PCDH11X: variants seen among roughly 807,000 people sequenced by gnomAD.
The protein encoded by PCDH11X is protocadherin-11 X-linked.
In PCDH11X, 18 loss-of-function variants were observed where a neutral mutation model predicts 53.3. That is an observed-to-expected ratio of 0.34 (90% CI 0.23 to 0.50). The LOEUF is 0.50. PCDH11X is among the 20% of genes least tolerant of loss of function. The pLI, the probability that PCDH11X is intolerant of heterozygous loss-of-function variation, is 0.98. For missense variants in PCDH11X, 570 were observed against 1,032.4 expected, an observed-to-expected ratio of 0.55 and a Z score of 6.14; for synonymous variants, 279 against 393.3, an observed-to-expected ratio of 0.71 and a Z score of 3.44.
At chrX:91,806,824 C>CA in intron 1 of PCDH11X, among the ~76,000 whole-genome samples, 1 of 111,737 alleles carries the variant, frequency 8.9e-6, no homozygotes, top group East Asian at 2.8e-4. Flanking sequence ...CATCACATAG[C>CA]AAAATGTACA....
At chrX:92,529,000 C>T (rs1257260775) in intron 10 of PCDH11X, among the ~76,000 whole-genome samples, 2 of 111,333 alleles carry the variant, frequency 1.8e-5, no homozygotes, top group African/African-American at 6.5e-5. Flanking sequence ...CCCAGCCTTA[C>T]ATTAGATTTA....
At position 92,127,518 on chromosome X, in the gene PCDH11X, C is replaced by CCT. The variant is rs2064889158; in HGVS notation, c.3034-73857_3034-73856insCT. 3.4e-5 allele frequency among the ~76,000 whole-genome samples: 3 copies of CCT among 88,411 alleles called. No homozygotes were observed. In the Admixed American group the frequency reaches 4.1e-4, roughly 12 times the overall value. 76.8% of individuals were successfully genotyped at this position (88,411 alleles called of 115,157 possible). On this transcript the variant is annotated intron_variant, in intron 6 of 10. Coordinates refer to ENST00000682573, the MANE Select transcript of PCDH11X (RefSeq NM_032968.5). ...AGCCACATAGTTATCTTTCCCCCCA[C>CCT]TTTTTTTTTTTTTTTTTTTTGAGAC...
chrX:91,805,671 T>TTA (rs199638454), intron 1 of PCDH11X, among the ~76,000 whole-genome samples: 28,278 of 105,696 alleles, frequency 0.27, 3,045 homozygotes, highest in African/African-American at 0.34. Flanking sequence ...TTTTTTTTTT[T>TTA]AAATTAGCTC....
In PCDH11X at chrX:92,125,843, G is replaced by A. The variant is rs143474129; in HGVS notation, c.3034-75532G>A. Among the ~76,000 whole-genome samples, 232 of 109,614 alleles carry A rather than the reference G, an allele frequency of 2.1e-3. 1 individual carries two copies. In the East Asian group the frequency reaches 0.022, roughly 10 times the overall value. ...TTGCTAGTCTTTTAAAAGTAAACTT[G>A]AGGCTGGGCGCAGTGTCTCACGCCT... On this transcript the variant is annotated intron_variant, in intron 6 of 10. Coordinates refer to ENST00000682573, the MANE Select transcript of PCDH11X (RefSeq NM_032968.5).
intron 8 of PCDH11X, among the ~76,000 whole-genome samples, chrX:92,317,220 G>C (rs2069099186): frequency 1.3e-5 from 1 of 79,678 alleles, no homozygotes; most frequent in Non-Finnish European, 2.2e-5. Context: ...TTTGAATGAA[G>C]ACATACTGAT....
chrX:92,303,926 C>T (rs140310041), intron 8 of PCDH11X, among the ~76,000 whole-genome samples: 4,441 of 110,573 alleles, frequency 0.04, 98 homozygotes, highest in South Asian at 0.085. Context: ...CAATGCAACA[C>T]GAGTTTTAAA....
intron 9 of PCDH11X, among the ~76,000 whole-genome samples, chrX:92,426,192 G>A (rs1269736353): frequency 2.8e-4 from 27 of 95,899 alleles, no homozygotes; most frequent in African/African-American, 1.0e-3. Flanking sequence ...TTACTATTAA[G>A]CTATTAGACA....
chrX:92,408,768 A>G (rs1293769949), intron 9 of PCDH11X, among the ~76,000 whole-genome samples: 2 of 108,543 alleles, frequency 1.8e-5, no homozygotes, highest in Non-Finnish European at 3.8e-5. Context: ...GTTTTTAGTA[A>G]AGACGGGGTT....
At position 92,277,122 on chromosome X, in the gene PCDH11X, GA is replaced by G. The variant is rs753392592; in HGVS notation, c.3144+13983del. 2.9e-3 allele frequency among the ~76,000 whole-genome samples: 315 copies of G among 110,041 alleles called. 3 individuals are homozygous for G. The highest frequency in any genetic ancestry group is 4.0e-3 in the Non-Finnish European group (209 of 52,818). ...AGGGGAGAGGTCAGATGGGTCTGTA[GA>G]AAAGGAAGATTAGAAAGACTCAGTG... On this transcript the variant is annotated intron_variant, in intron 8 of 10. Coordinates refer to ENST00000682573, the MANE Select transcript of PCDH11X (RefSeq NM_032968.5).
In PCDH11X at chrX:92,077,970, G is replaced by A. The variant is rs184682490; in HGVS notation, c.3034-123405G>A. On this transcript the variant is annotated intron_variant, in intron 6 of 10. Coordinates refer to ENST00000682573, the MANE Select transcript of PCDH11X (RefSeq NM_032968.5). ...AGACTGTCATATTTTGAGTGTCTCG[G>A]TAGGGAAAATAAGTGCTTTATAAAG... 1.2e-3 allele frequency among the ~76,000 whole-genome samples: 129 copies of A among 110,156 alleles called. 1 individual carries two copies. Among genetic ancestry groups the A allele is most frequent in the African/African-American group, 4.1e-3 (125 of 30,389 alleles).
chrX:91,827,134 G>T (rs763881501), intron 4 of PCDH11X, among the ~76,000 whole-genome samples: 37 of 111,385 alleles, frequency 3.3e-4, no homozygotes, highest in Admixed American at 2.6e-3. Flanking sequence ...TGTTATTTTT[G>T]ACTTGTTAAT....
intron 6 of PCDH11X, among the ~76,000 whole-genome samples, chrX:92,059,480 A>G (rs2063496050): frequency 9.0e-6 from 1 of 110,761 alleles, no homozygotes; most frequent in African/African-American, 3.3e-5. Context: ...CTCATTTTCA[A>G]TTGTAACAGT....
intron 8 of PCDH11X, among the ~76,000 whole-genome samples, chrX:92,387,256 T>C (rs766868501): frequency 1.0e-3 from 113 of 111,931 alleles, no homozygotes; most frequent in Non-Finnish European, 2.8e-4. Context: ...GATGATGTAC[T>C]TTTAGTTTTC....
chrX:91,801,276 T>A (rs1935929746), intron 1 of PCDH11X, among the ~76,000 whole-genome samples: 1 of 109,505 alleles, frequency 9.1e-6, no homozygotes, highest in African/African-American at 3.3e-5. Flanking sequence ...TCAAAAGAAT[T>A]TAAAAGGAAA....
intron 9 of PCDH11X, among the ~76,000 whole-genome samples, chrX:92,399,788 C>T (rs1371763759): frequency 9.1e-6 from 1 of 109,390 alleles, no homozygotes; most frequent in Admixed American, 9.9e-5. Context: ...GTTGCCCAGG[C>T]TGGAGTGCAG....
Position 92,548,544 on chromosome X carries a change from A to G in PCDH11X, c.3368-69720A>G, listed in dbSNP as rs150427482. Among the ~76,000 whole-genome samples, 214 of 111,360 alleles carry G rather than the reference A, an allele frequency of 1.9e-3. 1 individual carries two copies. The highest frequency in any genetic ancestry group is 6.9e-3 in the African/African-American group (211 of 30,625). On this transcript the variant is annotated intron_variant, in intron 10 of 10. Coordinates refer to ENST00000682573, the MANE Select transcript of PCDH11X (RefSeq NM_032968.5). ...GAATGATAGTTGCTGATGTTGTCAA[A>G]CCTATGATAACATGATGAACTTCCC...
At chrX:92,140,841 C>A (rs1394819615) in intron 6 of PCDH11X, among the ~76,000 whole-genome samples, 9 of 110,863 alleles carry the variant, frequency 8.1e-5, no homozygotes, top group Non-Finnish European at 1.7e-4. Flanking sequence ...AGCATCCAAT[C>A]TAAGAGGTAC....
chrX:92,102,125 A>G (rs944693576), intron 6 of PCDH11X, among the ~76,000 whole-genome samples: 6 of 111,340 alleles, frequency 5.4e-5, no homozygotes, highest in South Asian at 3.8e-4. Flanking sequence ...GTGGGAGGCC[A>G]GATTGAAGTC....
intron 8 of PCDH11X, among the ~76,000 whole-genome samples, chrX:92,284,567 C>T (rs2068319803): frequency 8.9e-6 from 1 of 112,273 alleles, no homozygotes; most frequent in Admixed American, 9.5e-5. Context: ...TACTGACCCT[C>T]TTCCATATTG....
Sources: allele counts gnomAD v4.1 joint callset (sites outside exome capture counted in the v4.1 genomes callset), GRCh38; gene constraint gnomAD v4.1.1; transcripts MANE v1.5; gene names NCBI Gene and HGNC (gene_info 2026-07-23, HGNC 2026-07-21).